Variants in PRKG1 observed in about 807,000 individuals in gnomAD.
PRKG1 encodes cGMP-dependent protein kinase 1.
PRKG1 carries 35 observed loss-of-function variants against 88.1 expected under a neutral mutation model. The observed-to-expected ratio is 0.40, with a 90% CI of 0.30 to 0.53. The LOEUF (loss-of-function observed/expected upper bound fraction) is 0.53. PRKG1 is among the 20% of genes least tolerant of loss of function. The pLI, the probability that PRKG1 is intolerant of heterozygous loss-of-function variation, is 0.59. For missense variants in PRKG1, 540 were observed against 839.8 expected (o/e 0.64, Z 4.41); for synonymous variants, 303 against 292.5 (o/e 1.04, Z -0.37).
intron 5 of PRKG1, among the ~76,000 whole-genome samples, chr10:51,985,386 T>C (rs1239652556): frequency 2.6e-5 from 4 of 152,188 alleles, no homozygotes; most frequent in Non-Finnish European, 5.9e-5. Context: ...TAGTCTTCTG[T>C]ATATGTTATT....
chr10:51,581,712 C>T (rs12265265), intron 3 of PRKG1, among the ~76,000 whole-genome samples: 9,617 of 150,262 alleles, frequency 0.064, 1,209 homozygotes, highest in African/African-American at 0.23. Flanking sequence ...TTACAATAAT[C>T]AGGAGCATTT....
intron 2 of PRKG1, among the ~76,000 whole-genome samples, chr10:51,407,402 A>G (rs12416133): frequency 0.16 from 24,571 of 152,234 alleles, 2,118 homozygotes; most frequent in Admixed American, 0.25. Flanking sequence ...AACAATACTT[A>G]AATGATGATA....
At chr10:52,248,099 T>C (rs866281236) in intron 9 of PRKG1, among the ~76,000 whole-genome samples, 2 of 152,376 alleles carry the variant, frequency 1.3e-5, no homozygotes, top group South Asian at 2.1e-4. Context: ...TCGCTCATGC[T>C]ATTGTTTGTG....
chr10:52,276,079 T>A (rs527465674), intron 12 of PRKG1, among the ~76,000 whole-genome samples: 4 of 152,270 alleles, frequency 2.6e-5, no homozygotes, highest in Non-Finnish European at 4.4e-5. Context: ...TCTAGGAGCT[T>A]CCTGGAAGAG....
At chr10:51,833,446 T>A (rs1840052028) in intron 4 of PRKG1, among the ~76,000 whole-genome samples, 1 of 152,222 alleles carries the variant, frequency 6.6e-6, no homozygotes, top group Non-Finnish European at 1.5e-5. Flanking sequence ...AGGTATGTAT[T>A]ATTCCAAATT....
chr10:51,774,431 C>A (rs190975662), intron 3 of PRKG1, among the ~76,000 whole-genome samples: 116 of 152,140 alleles, frequency 7.6e-4, no homozygotes, highest in African/African-American at 2.7e-3. Flanking sequence ...AAATTCTTAG[C>A]CTATCCTTAC....
intron 9 of PRKG1, among the ~76,000 whole-genome samples, chr10:52,182,819 G>T (rs1839077154): frequency 6.6e-6 from 1 of 151,778 alleles, no homozygotes; most frequent in Admixed American, 6.6e-5. Context: ...CCAGTACCAT[G>T]CTGTTTTGGT....
chr10:51,887,531 C>T (rs928453923), intron 4 of PRKG1, among the ~76,000 whole-genome samples: 2 of 152,192 alleles, frequency 1.3e-5, no homozygotes, highest in African/African-American at 4.8e-5. Flanking sequence ...ATATTCCCAT[C>T]AACAGTGTAT....
At chr10:52,240,357 G>T (rs1257755461) in intron 9 of PRKG1, among the ~76,000 whole-genome samples, 1 of 152,056 alleles carries the variant, frequency 6.6e-6, no homozygotes, top group Admixed American at 6.6e-5. Context: ...CAAAACACTT[G>T]TCAAGTATTT....
intron 1 of PRKG1, among the ~76,000 whole-genome samples, chr10:51,024,770 G>A (rs977766986): frequency 1.3e-5 from 2 of 152,090 alleles, no homozygotes; most frequent in Non-Finnish European, 2.9e-5. Context: ...AGAGGGAAAC[G>A]GGTAGGTACG....
At chr10:51,461,031 G>T (rs1839730426) in intron 2 of PRKG1, among the ~76,000 whole-genome samples, 1 of 152,004 alleles carries the variant, frequency 6.6e-6, no homozygotes, top group Non-Finnish European at 1.5e-5. Flanking sequence ...TTTTAGTTTT[G>T]GATAGCTTAT....
At chr10:52,217,832 T>G (rs1353159304) in intron 9 of PRKG1, among the ~76,000 whole-genome samples, 1 of 152,192 alleles carries the variant, frequency 6.6e-6, no homozygotes, top group Non-Finnish European at 1.5e-5. Context: ...CTTCCTCCGT[T>G]ACTCTCTACT....
At chr10:52,255,149 C>A (rs1841278152) in intron 10 of PRKG1, among the ~76,000 whole-genome samples, 1 of 152,100 alleles carries the variant, frequency 6.6e-6, no homozygotes, top group South Asian at 2.1e-4. Flanking sequence ...AGCAAAAGAA[C>A]TCAGCTCTCT....
intron 1 of PRKG1, among the ~76,000 whole-genome samples, chr10:50,999,848 G>T (rs549519529): frequency 6.6e-6 from 1 of 152,144 alleles, no homozygotes; most frequent in Non-Finnish European, 1.5e-5. Flanking sequence ...TGTATCTCAG[G>T]TTGTAAACCC....
chr10:51,276,521 A>G (rs569579186), intron 2 of PRKG1, among the ~76,000 whole-genome samples: 89 of 152,248 alleles, frequency 5.8e-4, no homozygotes, highest in African/African-American at 2.1e-3. Context: ...CTAGTTCTAG[A>G]TCCTTGAGGA....
At chr10:52,145,950 T>G (rs1056973584) in intron 8 of PRKG1, among the ~76,000 whole-genome samples, 2 of 152,156 alleles carry the variant, frequency 1.3e-5, no homozygotes, top group Non-Finnish European at 2.9e-5. Context: ...AATGATCATA[T>G]TAGCCATTGC....
chr10:51,260,359 T>A (rs1032076273), intron 2 of PRKG1, among the ~76,000 whole-genome samples: 1 of 152,008 alleles, frequency 6.6e-6, no homozygotes, highest in Non-Finnish European at 1.5e-5. Context: ...ATACATTTTT[T>A]ATTTTTTCTG....
intron 2 of PRKG1, among the ~76,000 whole-genome samples, chr10:51,243,416 G>T (rs778508119): frequency 6.6e-6 from 1 of 152,146 alleles, no homozygotes; most frequent in Admixed American, 6.6e-5. Context: ...CCTGGTCAGG[G>T]TGTAGGATCA....
chr10:52,250,747 G>A (rs954602338), intron 9 of PRKG1, among the ~76,000 whole-genome samples: 1 of 152,106 alleles, frequency 6.6e-6, no homozygotes, highest in African/African-American at 2.4e-5. Context: ...CCTTTGACAA[G>A]GATATATTTT....
Sources: allele counts gnomAD v4.1 joint callset (sites outside exome capture counted in the v4.1 genomes callset), GRCh38; gene constraint gnomAD v4.1.1; transcripts MANE v1.5; gene names NCBI Gene and HGNC (gene_info 2026-07-23, HGNC 2026-07-21).